The following EFCAB10 variants were observed in gnomAD, a reference collection of about 807,000 sequenced individuals.
EFCAB10 encodes the protein EF-hand calcium-binding domain-containing protein 10.
EFCAB10 carries 7 observed loss-of-function variants against 7.7 expected under a neutral mutation model. That is an observed-to-expected ratio of 0.91 (90% CI 0.52 to 1.72). The LOEUF (loss-of-function observed/expected upper bound fraction) is 1.72, where lower values mean the gene tolerates loss of function less well. Ranked by LOEUF, EFCAB10 falls within the 40% of genes most tolerant of loss-of-function variation. EFCAB10 has a pLI of 0.00. For synonymous variants in EFCAB10, 52 were observed against 21.0 expected, an observed-to-expected ratio of 2.47 and a Z score of -4.03; for missense variants, 112 against 61.5, an observed-to-expected ratio of 1.82 and a Z score of -2.74.
At chr7:105,576,722 G>A (rs891427172) in intron 1 of EFCAB10, among the ~76,000 whole-genome samples, 2 of 152,128 alleles carry the variant, frequency 1.3e-5, no homozygotes, top group African/African-American at 4.8e-5. Context: ...GGGATTACAG[G>A]TGTGAGCCAC....
chr7:105,574,137 T>TATATACACATAC (rs1792012055), intron 1 of EFCAB10, among the ~76,000 whole-genome samples: 2 of 148,222 alleles, frequency 1.3e-5, no homozygotes, highest in African/African-American at 5.0e-5. Flanking sequence ...TATATATATA[T>TATATACACATAC]ATATATATAC....
In EFCAB10 at chr7:105,581,410, C is replaced by G. The variant is rs1444333429; in HGVS notation, c.54G>C (p.Gln18His). Residue 18 changes from glutamine (Q) to histidine (H), a missense_variant, in exon 1 of 5, where the codon CAG becomes CAC. Transcript: ENST00000480514. ...TGAGGTAGCTAACCACCTCCTTGAT[C>G]TGATGCTTTTCCAAATACTCCGCGG... is the stretch of plus-strand genomic sequence containing the variant. ...LQAAEYLEKH[Q>H]IKEVVSYLTS... 2.8e-6 allele frequency: 2 copies of G among 703,070 alleles called. No individual in the cohort carries two copies. The highest frequency in any genetic ancestry group is 5.2e-6 in the Non-Finnish European group (2 of 384,996). The allele number at this position is 703,070 out of a possible 1,614,324, so 43.6% of individuals were successfully genotyped here. A position where few individuals can be genotyped will look rare whatever the true frequency, so the allele number is the denominator to read the frequency against.
At chr7:105,566,574 AGG>A (rs1791756358) in intron 4 of EFCAB10, 1 of 152,116 alleles carries the variant, frequency 6.6e-6, no homozygotes, top group Non-Finnish European at 1.5e-5. Flanking sequence ...TGAGAGGCTG[AGG>A]CTGTAGTGAG....
At chr7:105,574,139 TATATATAC>T (rs1410969223) in intron 1 of EFCAB10, among the ~76,000 whole-genome samples, 120 of 131,652 alleles carry the variant, frequency 9.1e-4, no homozygotes, top group African/African-American at 3.6e-3. Context: ...TATATATATA[TATATATAC>T]ACATACATAT....
At chr7:105,573,584 T>A (rs1791999780) in intron 1 of EFCAB10, 1 of 152,176 alleles carries the variant, frequency 6.6e-6, no homozygotes, top group Non-Finnish European at 1.5e-5. Context: ...TCTTTTTAAA[T>A]CATGAAAGGA....
chr7:105,577,423 A>T (rs1472559454), intron 1 of EFCAB10, among the ~76,000 whole-genome samples: 1 of 152,174 alleles, frequency 6.6e-6, no homozygotes. Flanking sequence ...ACAGCTGGGA[A>T]CAAGGAGGAA....
intron 3 of EFCAB10, 40 bp from the exon 4 acceptor site, chr7:105,567,530 A>C: frequency 1.5e-6 from 1 of 684,744 alleles, no homozygotes; most frequent in Admixed American, 2.3e-5. Context: ...ATGAAAACTC[A>C]ATTCTATTTA....
At chr7:105,566,055 G>A (rs1791719994) in intron 4 of EFCAB10, among the ~76,000 whole-genome samples, 1 of 151,940 alleles carries the variant, frequency 6.6e-6, no homozygotes, top group African/African-American at 2.4e-5. Context: ...AGATCACAAA[G>A]TCAGGAGATC....
intron 1 of EFCAB10, among the ~76,000 whole-genome samples, chr7:105,575,370 G>A (rs780100065): frequency 2.0e-5 from 3 of 152,190 alleles, no homozygotes; most frequent in Middle Eastern, 3.4e-3. Context: ...ATGCAGTGGT[G>A]CAATCTTGGC....
At chr7:105,578,012 C>T (rs1264269938) in intron 1 of EFCAB10, among the ~76,000 whole-genome samples, 1 of 152,262 alleles carries the variant, frequency 6.6e-6, no homozygotes, top group Non-Finnish European at 1.5e-5. Flanking sequence ...GATCTACCCA[C>T]CTTGGCCTCC....
At chr7:105,568,406 T>TA (rs1562865313) in intron 3 of EFCAB10, among the ~76,000 whole-genome samples, 1 of 152,220 alleles carries the variant, frequency 6.6e-6, no homozygotes. Context: ...AGCAGTGGGT[T>TA]AGTACTTTTA....
intron 1 of EFCAB10, among the ~76,000 whole-genome samples, chr7:105,574,078 A>G (rs1792008620): frequency 6.6e-6 from 1 of 151,566 alleles, no homozygotes; most frequent in South Asian, 2.1e-4. Flanking sequence ...ATGGCAGCAT[A>G]GCCAGCAACC....
rs111675878 is a variant in EFCAB10 at position 105,580,267 on chromosome 7, C to T, written c.106+1091G>A. On this transcript the variant is annotated intron_variant, in intron 1 of 4. Transcript: ENST00000480514. ...CCTCCCAGAGCGTTGGTATTATAGG[C>T]GTGAGTCACCGCCCCCAAGGAGCTT... 5.6e-3 allele frequency among the ~76,000 whole-genome samples: 857 copies of T among 152,206 alleles called. 9 individuals are homozygous for T. The highest frequency in any genetic ancestry group is 0.02 in the African/African-American group (818 of 41,524).
At position 105,581,479 on chromosome 7, in the gene EFCAB10, T is replaced by C; in HGVS notation, c.-16A>G. ...TGGTCTCCATCGCTCCGCGTCCCGC[T>C]GTTGCTAGGCGACTGCCTGGCGTCT... is the stretch of plus-strand genomic sequence containing the variant. On this transcript the variant is annotated 5_prime_UTR_variant, in exon 1 of 5. Transcript: ENST00000480514. 1 of 702,948 alleles carries C rather than the reference T, an allele frequency of 1.4e-6. No individual in the cohort carries two copies. The allele number at this position is 702,948 out of a possible 1,614,324, so 43.5% of individuals were successfully genotyped here.
intron 1 of EFCAB10, among the ~76,000 whole-genome samples, chr7:105,577,930 AATTTTGT>A (rs1792124976): frequency 6.6e-6 from 1 of 152,042 alleles, no homozygotes; most frequent in African/African-American, 2.4e-5. Flanking sequence ...ATATCTGGAT[AATTTTGT>A]ATTTTTAGTA....
chr7:105,569,620 C>A, intron 1 of EFCAB10, 49 bp from the exon 2 acceptor site: 2 of 674,682 alleles, frequency 3.0e-6, no homozygotes, highest in South Asian at 3.2e-5. Context: ...TAAAATATGT[C>A]GCAAATAGAA....
intron 3 of EFCAB10, among the ~76,000 whole-genome samples, chr7:105,568,741 G>T (rs1371729638): frequency 2.0e-5 from 3 of 152,042 alleles, no homozygotes. Flanking sequence ...TTGAGATCAG[G>T]AGTTTGAGAC....
intron 3 of EFCAB10, among the ~76,000 whole-genome samples, chr7:105,568,751 C>G (rs1310453043): frequency 6.6e-6 from 1 of 152,006 alleles, no homozygotes; most frequent in Non-Finnish European, 1.5e-5. Context: ...GAGTTTGAGA[C>G]CAGCCTGGCC....
chr7:105,571,711 A>G (rs1034365028), intron 1 of EFCAB10: 1 of 152,200 alleles, frequency 6.6e-6, no homozygotes, highest in African/African-American at 2.4e-5. Context: ...TACCACCACA[A>G]TGCTCCTGCT....
Sources: allele counts gnomAD v4.1 joint callset (sites outside exome capture counted in the v4.1 genomes callset), GRCh38; gene constraint gnomAD v4.1.1; transcripts MANE v1.5; gene names NCBI Gene and HGNC (gene_info 2026-07-23, HGNC 2026-07-21).